EML1: variants seen among roughly 807,000 people sequenced by gnomAD.
EML1 encodes the protein echinoderm microtubule-associated protein-like 1.
In EML1, 27 loss-of-function variants were observed where a neutral mutation model predicts 110.4. The observed-to-expected ratio is 0.24, with a 90% CI of 0.18 to 0.34. The LOEUF (loss-of-function observed/expected upper bound fraction) is 0.34, where lower values mean the gene tolerates loss of function less well. Ranked by LOEUF, EML1 falls within the 10% of genes least tolerant of loss-of-function variation. The pLI is 1.00. For synonymous variants in EML1, 344 were observed against 385.8 expected (o/e 0.89, Z 1.27); for missense variants, 741 against 1,030.9 (o/e 0.72, Z 3.85).
At chr14:99,838,603 G>T (rs1386918643) in intron 1 of EML1, among the ~76,000 whole-genome samples, 3 of 151,414 alleles carry the variant, frequency 2.0e-5, no homozygotes, top group Non-Finnish European at 2.9e-5. Flanking sequence ...CGTGTGCCTT[G>T]CCAGGATCAT....
At chr14:99,765,231 G>A (rs1306096428) in intron 1 of EML1, among the ~76,000 whole-genome samples, 1 of 151,960 alleles carries the variant, frequency 6.6e-6, no homozygotes, top group African/African-American at 2.4e-5. Context: ...GTGTAAGATA[G>A]GCATGCCCAG....
At chr14:99,752,010 G>A (rs2140174224) in intron 1 of EML1, among the ~76,000 whole-genome samples, 1 of 152,238 alleles carries the variant, frequency 6.6e-6, no homozygotes, top group South Asian at 2.1e-4. Context: ...ATAAGAGGAG[G>A]CAAACCCAAG....
At chr14:99,897,012 A>T (rs1033170126) in intron 6 of EML1, 133 bp from the exon 7 acceptor site, 12 of 816,152 alleles carry the variant, frequency 1.5e-5, no homozygotes, top group Middle Eastern at 2.6e-4. Flanking sequence ...AATATTTGCA[A>T]TTTAATGTTG....
chr14:99,807,814 A>T (rs568367295), intron 1 of EML1, among the ~76,000 whole-genome samples: 4 of 152,290 alleles, frequency 2.6e-5, no homozygotes, highest in Non-Finnish European at 5.9e-5. Context: ...CTTAGTAGTA[A>T]GTGTCACCTT....
intron 1 of EML1, among the ~76,000 whole-genome samples, chr14:99,786,758 C>T (rs924710423): frequency 2.6e-5 from 4 of 152,166 alleles, no homozygotes; most frequent in Admixed American, 2.0e-4. Context: ...ACTTGAAGTT[C>T]GTGCCAAGAT....
At chr14:99,757,111 G>A (rs1029368595) in intron 1 of EML1, among the ~76,000 whole-genome samples, 4 of 152,188 alleles carry the variant, frequency 2.6e-5, no homozygotes, top group Admixed American at 6.5e-5. Flanking sequence ...AGGCCGAGGC[G>A]GGAGGATCAC....
At chr14:99,903,888 A>G (rs557419762) in intron 9 of EML1, among the ~76,000 whole-genome samples, 7 of 151,636 alleles carry the variant, frequency 4.6e-5, no homozygotes, top group African/African-American at 1.2e-4. Flanking sequence ...GGTTCAAGCA[A>G]TTCTCCCACC....
chr14:99,908,398 T>C (rs1197673718), intron 10 of EML1, among the ~76,000 whole-genome samples: 1 of 152,258 alleles, frequency 6.6e-6, no homozygotes, highest in Non-Finnish European at 1.5e-5. Flanking sequence ...TTCTCATCTT[T>C]GCATCTATTA....
rs781706468 is a variant in EML1 at position 99,937,853 on chromosome 14, A to C, written c.2132A>C (p.Glu711Ala). 3 of 1,614,146 alleles carry C rather than the reference A, an allele frequency of 1.9e-6. No individual in the cohort carries two copies. In the South Asian group the frequency reaches 3.3e-5, roughly 18 times the overall value. The change falls in exon 20 of 22, where the codon GAA (glutamate) becomes GCA (alanine). Residue 711 changes from glutamate (E) to alanine (A), a missense_variant. Physicochemically the swap from Glu to Ala is moderately radical, Grantham distance 107. Transcript: ENST00000262233. ...PSACKQVVSVETTRDIEWATY... is the reference protein window; with the variant it reads ...PSACKQVVSVATTRDIEWATY... ...GCCTGTAAGCAAGTCGTAAGTGTGG[A>C]AACTACAAGAGACATTGAATGGGCT... is the stretch of plus-strand genomic sequence containing the variant.
intron 1 of EML1, among the ~76,000 whole-genome samples, chr14:99,798,115 G>T (rs1019836051): frequency 3.3e-5 from 5 of 152,186 alleles, no homozygotes; most frequent in Admixed American, 2.6e-4. Context: ...AGCCGAAGTT[G>T]TGTTCCTTGG....
At chr14:99,777,070 T>C (rs1176895371) in intron 1 of EML1, among the ~76,000 whole-genome samples, 1 of 152,226 alleles carries the variant, frequency 6.6e-6, no homozygotes, top group Non-Finnish European at 1.5e-5. Context: ...TGAGATTTCC[T>C]CTTCAGCTGT....
At chr14:99,828,186 T>C (rs937656801) in intron 1 of EML1, among the ~76,000 whole-genome samples, 1 of 152,236 alleles carries the variant, frequency 6.6e-6, no homozygotes, top group East Asian at 1.9e-4. Context: ...TCTTCCGTTA[T>C]TCAGTTTTGC....
chr14:99,780,523 A>G (rs2057527984), intron 1 of EML1, among the ~76,000 whole-genome samples: 1 of 152,072 alleles, frequency 6.6e-6, no homozygotes, highest in Admixed American at 6.5e-5. Flanking sequence ...CAGGAGTTTT[A>G]GCAGAACATG....
chr14:99,776,044 C>A (rs115965238), intron 1 of EML1, among the ~76,000 whole-genome samples: 1,876 of 152,236 alleles, frequency 0.012, 42 homozygotes, highest in African/African-American at 0.042. Context: ...TTTCCTGCTG[C>A]TTTCAAATGG....
chr14:99,938,700 G>T (rs959768818), intron 20 of EML1, among the ~76,000 whole-genome samples: 3 of 152,212 alleles, frequency 2.0e-5, no homozygotes, highest in Non-Finnish European at 4.4e-5. Context: ...ACAGCTGCCA[G>T]GCTGCCCCAA....
At chr14:99,863,566 T>G (rs2059039972) in intron 2 of EML1, among the ~76,000 whole-genome samples, 2 of 152,232 alleles carry the variant, frequency 1.3e-5, no homozygotes, top group Non-Finnish European at 2.9e-5. Flanking sequence ...TGTCTTTAGT[T>G]TACCTTTACT....
intron 2 of EML1, 135 bp from the exon 3 acceptor site, chr14:99,865,379 T>C: frequency 9.4e-7 from 1 of 1,058,724 alleles, no homozygotes. Flanking sequence ...AGATGAAGAG[T>C]TGCTCACTCG....
chr14:99,789,261 TG>T (rs1761625725), upstream of EML1, among the ~76,000 whole-genome samples: 1 of 152,176 alleles, frequency 6.6e-6, no homozygotes, highest in Non-Finnish European at 1.5e-5. Context: ...CAGGATAGAG[TG>T]CAGTGGCACG....
chr14:99,846,471 T>C (rs1456556410), intron 1 of EML1, among the ~76,000 whole-genome samples: 1 of 151,918 alleles, frequency 6.6e-6, no homozygotes, highest in Non-Finnish European at 1.5e-5. Flanking sequence ...TTAGTAGAGA[T>C]GGGGTTTTGC....
Sources: allele counts gnomAD v4.1 joint callset (sites outside exome capture counted in the v4.1 genomes callset), GRCh38; gene constraint gnomAD v4.1.1; transcripts MANE v1.5; gene names NCBI Gene and HGNC (gene_info 2026-07-23, HGNC 2026-07-21).